Variants in TARS2 observed in about 807,000 individuals in gnomAD.
TARS2 encodes threonyl-tRNA synthetase 2, mitochondrial, also known as threonine--tRNA ligase, mitochondrial.
TARS2 carries 61 observed loss-of-function variants against 94.4 expected under a neutral mutation model. The ratio of observed to expected loss-of-function variants is 0.65; its 90% CI spans 0.53 to 0.80. TARS2 has a LOEUF of 0.80. Among genes scored for constraint, TARS2 ranks in the 30% least tolerant of loss-of-function variants. The pLI, the probability that TARS2 is intolerant of heterozygous loss-of-function variation, is 0.00. For synonymous variants in TARS2, 359 were observed against 353.4 expected, an observed-to-expected ratio of 1.02 and a Z score of -0.18; for missense variants, 704 against 902.5, an observed-to-expected ratio of 0.78 and a Z score of 2.82.
chr1:150,494,825 C>T (rs187781710), intron 7 of TARS2, among the ~76,000 whole-genome samples: 1 of 152,238 alleles, frequency 6.6e-6, no homozygotes, highest in Non-Finnish European at 1.5e-5. Flanking sequence ...ATCACGAGGT[C>T]CAGAGATCGA....
At position 150,496,868 on chromosome 1, in the gene TARS2, G is replaced by A. The variant is rs367984492; in HGVS notation, c.980G>A (p.Arg327Gln). The A allele has an allele frequency of 5.6e-6, 9 of 1,614,034 alleles. No homozygotes were observed. The highest frequency in any genetic ancestry group is 4.4e-5 in the South Asian group (4 of 91,070). ...CCTGGGAGCTGCTTCTTCCTGCCAC[G>A]AGGGACAAGGGTGTATAATGCACTA... Reference protein sequence around the residue: ...LSPGSCFFLPRGTRVYNALVA... With the variant: ...LSPGSCFFLPQGTRVYNALVA... Residue 327 changes from arginine (R) to glutamine (Q), a missense_variant, in exon 9 of 18, where the codon CGA becomes CAA. Around this residue, in one of 3 missense-constraint regions of TARS2, gnomAD observed 466 missense variants for 609.5 expected, o/e 0.76. Transcript: ENST00000369064.
intron 6 of TARS2, 62 bp from the exon 7 acceptor site, chr1:150,492,349 G>A (rs1369880775): frequency 6.5e-7 from 1 of 1,539,578 alleles, no homozygotes; most frequent in Admixed American, 1.7e-5. Flanking sequence ...AAGACCATGA[G>A]AGGGAGAAAG....
intron 9 of TARS2, 44 bp from the exon 10 acceptor site, chr1:150,497,486 C>T: frequency 6.3e-7 from 1 of 1,593,356 alleles, no homozygotes; most frequent in Non-Finnish European, 8.6e-7. Flanking sequence ...ACCTGCTTTC[C>T]TTCCAGTTAC....
chr1:150,489,392 G>A (rs992455849), intron 3 of TARS2: 2 of 379,236 alleles, frequency 5.3e-6, no homozygotes, highest in Non-Finnish European at 1.0e-5. Context: ...TAAGTCATCT[G>A]TAGTGTATAT....
At chr1:150,506,292 C>T (rs1670198109) in intron 17 of TARS2, among the ~76,000 whole-genome samples, 2 of 152,074 alleles carry the variant, frequency 1.3e-5, no homozygotes, top group African/African-American at 4.8e-5. Flanking sequence ...CAGTCAGCCC[C>T]TGCATACATC....
chr1:150,491,713 A>G (rs760328740), intron 6 of TARS2, 51 bp downstream of exon 6: 5 of 1,573,996 alleles, frequency 3.2e-6, no homozygotes, highest in Non-Finnish European at 3.5e-6. Flanking sequence ...AGCATTGAAG[A>G]AGGCCAGAAA....
chr1:150,500,264 CA>C (rs1489142869), intron 13 of TARS2, among the ~76,000 whole-genome samples: 1 of 152,106 alleles, frequency 6.6e-6, no homozygotes, highest in Non-Finnish European at 1.5e-5. Flanking sequence ...GGACCATTTT[CA>C]GTAAAGTAGG....
chr1:150,506,484 GCGCA>G lies in TARS2; in HGVS notation c.2009-430_2009-427del, dbSNP rs1425027050. Among the ~76,000 whole-genome samples the G allele has an allele frequency of 9.6e-5, 9 of 93,440 alleles. 1 individual carries two copies. Among genetic ancestry groups the G allele is most frequent in the African/African-American group, 2.4e-4 (6 of 25,252 alleles). The allele number at this position is 93,440 out of a possible 152,430, so 61.3% of individuals were successfully genotyped here. On this transcript the variant is annotated intron_variant, in intron 17 of 17. Coordinates refer to ENST00000369064, the MANE Select transcript of TARS2 (RefSeq NM_025150.5). ...TCTAATACCCCCTTCAGACACGCGCGCGCACACACACACACACACACACACACAC... is the reference window on the plus strand; with the variant it reads ...TCTAATACCCCCTTCAGACACGCGCGCACACACACACACACACACACACAC...
intron 16 of TARS2, 83 bp from the exon 17 acceptor site, chr1:150,505,508 C>A: frequency 8.4e-7 from 1 of 1,187,814 alleles, no homozygotes; most frequent in Non-Finnish European, 1.3e-6. Context: ...CAGATGGGGG[C>A]ATTGAGGGAA....
In TARS2 at chr1:150,491,459, G is replaced by A. The variant is rs753782098; in HGVS notation, c.578G>A (p.Arg193Gln). ...RICQELTAAARPFRRLEASRD... is the reference protein window; with the variant it reads ...RICQELTAAAQPFRRLEASRD... ...TGCCAGGAACTTACAGCTGCTGCTC[G>A]ACCCTTCCGGAGGCTAGAGGCTTCA... is the stretch of plus-strand genomic sequence containing the variant. The change falls in exon 5 of 18, where the codon CGA (arginine) becomes CAA (glutamine). Residue 193 changes from arginine to glutamine, a missense_variant. Physicochemically the swap from Arg to Gln is conservative, Grantham distance 43. Transcript: ENST00000369064. The A allele has an allele frequency of 2.7e-5, 43 of 1,613,990 alleles. No homozygotes were observed. Among genetic ancestry groups the A allele is most frequent in the Non-Finnish European group, 3.4e-5 (40 of 1,180,038 alleles).
intron 3 of TARS2, among the ~76,000 whole-genome samples, chr1:150,489,724 TGAGGTCAA>T (rs1669300547): frequency 6.6e-6 from 1 of 152,172 alleles, no homozygotes; most frequent in Non-Finnish European, 1.5e-5. Flanking sequence ...GTGGATCATC[TGAGGTCAA>T]GAGTTCAAGA....
intron 4 of TARS2, 47 bp from the exon 5 acceptor site, chr1:150,491,347 T>C (rs145086767): frequency 3.1e-6 from 5 of 1,590,762 alleles, no homozygotes; most frequent in East Asian, 2.2e-5. Flanking sequence ...ACCCAGGTGA[T>C]TGATGCACCT....
At chr1:150,490,454 C>T in intron 3 of TARS2, 147 bp from the exon 4 acceptor site, 1 of 1,259,462 alleles carries the variant, frequency 7.9e-7, no homozygotes, top group South Asian at 1.6e-5. Context: ...AGTGGTCACC[C>T]CCAAAATCTA....
intron 2 of TARS2, 113 bp from the exon 3 acceptor site, chr1:150,488,848 TACC>T: frequency 6.9e-7 from 1 of 1,441,434 alleles, no homozygotes; most frequent in Non-Finnish European, 9.3e-7. Flanking sequence ...CTCTATTCTC[TACC>T]ACTGTGAGAT....
At position 150,492,452 on chromosome 1, in the gene TARS2, G is replaced by C. The variant is rs1669438808; in HGVS notation, c.737G>C (p.Arg246Pro). The change falls in exon 7 of 18, where the codon CGG (arginine) becomes CCG (proline). Residue 246 changes from arginine (R) to proline (P), a missense_variant. Physicochemically the swap from Arg to Pro is moderately radical, Grantham distance 103. Coordinates refer to ENST00000369064, the MANE Select transcript of TARS2 (RefSeq NM_025150.5). ...LVDLCQGPHL[R>P]HTGQIGGLKL... ...GACCTTTGCCAGGGCCCCCACCTTC[G>C]GCATACTGGACAGATTGGAGGACTG... 1.2e-6 allele frequency: 2 copies of C among 1,613,880 alleles called. No homozygotes were observed. The highest frequency in any genetic ancestry group is 1.7e-6 in the Non-Finnish European group (2 of 1,179,926).
At chr1:150,496,358 C>G (rs1014557338) in intron 7 of TARS2, 124 bp from the exon 8 acceptor site, 3 of 1,148,774 alleles carry the variant, frequency 2.6e-6, no homozygotes, top group African/African-American at 3.1e-5. Context: ...GTTCATCCTA[C>G]TGGTGGGATT....
chr1:150,487,833 C>T lies in TARS2; in HGVS notation c.67-25C>T, dbSNP rs181814171. 2.1e-5 allele frequency: 33 copies of T among 1,604,924 alleles called. No homozygotes were observed. In the Admixed American group the frequency reaches 3.4e-4, roughly 17 times the overall value. ...AGAAAGAATGATGGGACGTGTGTTA[C>T]CTGCTAATATATCTTTCCCTCCAGG... On this transcript the variant is annotated intron_variant, in intron 1 of 17. Coordinates refer to ENST00000369064, the MANE Select transcript of TARS2 (RefSeq NM_025150.5).
chr1:150,498,727 G>T, intron 11 of TARS2, 63 bp downstream of exon 11: 1 of 1,609,504 alleles, frequency 6.2e-7, no homozygotes, highest in Non-Finnish European at 8.5e-7. Flanking sequence ...CTATGAACCT[G>T]CAAACCCCTG....
intron 3 of TARS2, chr1:150,489,343 T>C (rs999546812): frequency 3.3e-5 from 15 of 455,710 alleles, no homozygotes; most frequent in Admixed American, 1.0e-4. Flanking sequence ...AGGATAAATA[T>C]GTAAATTCAG....
Sources: allele counts gnomAD v4.1 joint callset (sites outside exome capture counted in the v4.1 genomes callset), GRCh38; gene constraint gnomAD v4.1.1; regional missense constraint gnomAD v4.1.1; transcripts MANE v1.5; gene names NCBI Gene and HGNC (gene_info 2026-07-23, HGNC 2026-07-21).